The following FANCB variants were observed in gnomAD, a reference collection of about 807,000 sequenced individuals.
The protein encoded by FANCB is FA complementation group B.
In FANCB, 5 loss-of-function variants were observed where a neutral mutation model predicts 38.9. The ratio of observed to expected loss-of-function variants is 0.13; its 90% CI spans 0.07 to 0.27. The LOEUF is 0.27. FANCB is among the 10% of genes least tolerant of loss of function. The pLI is 1.00. For missense variants in FANCB, 573 were observed against 602.7 expected, an observed-to-expected ratio of 0.95 and a Z score of 0.52; for synonymous variants, 236 against 215.4, an observed-to-expected ratio of 1.10 and a Z score of -0.84.
chrX:14,847,217 G>A (rs943346536), intron 7 of FANCB, among the ~76,000 whole-genome samples: 3 of 110,138 alleles, frequency 2.7e-5, no homozygotes, highest in African/African-American at 9.9e-5. Context: ...TGTTTCAAAT[G>A]TTCTATATAT....
the FANCB span, among the ~76,000 whole-genome samples, chrX:14,745,980 G>A: frequency 9.5e-3 from 1,053 of 110,555 alleles, 18 homozygotes; most frequent in African/African-American, 0.033. Flanking sequence ...GATTACAGGC[G>A]TGAGCCACCG....
At chrX:14,742,927 G>A in the FANCB span, among the ~76,000 whole-genome samples, 1 of 113,217 alleles carries the variant, frequency 8.8e-6, no homozygotes, top group East Asian at 2.8e-4. Context: ...CGCCAGTATA[G>A]TTTATAAATT....
chrX:14,856,748 A>G (rs2092424572), intron 5 of FANCB, among the ~76,000 whole-genome samples: 2 of 111,900 alleles, frequency 1.8e-5, no homozygotes, highest in South Asian at 7.3e-4. Flanking sequence ...GAGAGGATAC[A>G]ACTAGCGTGG....
downstream of FANCB, chrX:14,835,021 G>C: frequency 1.7e-6 from 1 of 594,992 alleles, no homozygotes; most frequent in Non-Finnish European, 2.9e-6. Flanking sequence ...CACTTCAACT[G>C]TAAGAGCGCT....
chrX:14,729,571 C>T, the FANCB span, among the ~76,000 whole-genome samples: 2 of 111,487 alleles, frequency 1.8e-5, no homozygotes, highest in African/African-American at 6.5e-5. Context: ...GCCAAATAAT[C>T]AATGTTAAAA....
At chrX:14,732,623 T>C in the FANCB span, among the ~76,000 whole-genome samples, 4 of 112,728 alleles carry the variant, frequency 3.5e-5, no homozygotes, top group African/African-American at 1.3e-4. Flanking sequence ...TCTGCATTTC[T>C]CTAATGACCA....
At chrX:14,710,277 G>A in the FANCB span, among the ~76,000 whole-genome samples, 4 of 112,066 alleles carry the variant, frequency 3.6e-5, no homozygotes, top group African/African-American at 1.3e-4. Context: ...TCATCCCTCT[G>A]AGCTACTTCC....
At chrX:14,800,866 A>C in the FANCB span, among the ~76,000 whole-genome samples, 1 of 111,943 alleles carries the variant, frequency 8.9e-6, no homozygotes, top group Non-Finnish European at 1.9e-5. Flanking sequence ...TTGCAAAAAT[A>C]CAATATTTTT....
downstream of FANCB, chrX:14,834,814 AATCATCATCATC>A (rs200344130): frequency 4.0e-5 from 22 of 556,130 alleles, no homozygotes; most frequent in Non-Finnish European, 6.6e-5. Flanking sequence ...TCATCATCAA[AATCATCATCATC>A]ATCATCATCT....
the FANCB span, among the ~76,000 whole-genome samples, chrX:14,695,737 G>A: frequency 2.7e-5 from 3 of 111,970 alleles, no homozygotes; most frequent in Non-Finnish European, 5.6e-5. Flanking sequence ...ATAGGATGTA[G>A]GAGCTCCTAA....
At chrX:14,748,821 G>C in the FANCB span, among the ~76,000 whole-genome samples, 1 of 112,189 alleles carries the variant, frequency 8.9e-6, no homozygotes, top group Admixed American at 9.4e-5. Flanking sequence ...GAAGAGCTAA[G>C]TGACTTGCCC....
At chrX:14,779,155 C>G in the FANCB span, among the ~76,000 whole-genome samples, 14 of 112,186 alleles carry the variant, frequency 1.2e-4, no homozygotes, top group African/African-American at 3.6e-4. Context: ...CCAAGCAAGA[C>G]AAAAATCACA....
the FANCB span, among the ~76,000 whole-genome samples, chrX:14,691,573 C>T: frequency 2.7e-5 from 3 of 111,189 alleles, no homozygotes; most frequent in African/African-American, 9.8e-5. Flanking sequence ...ACATTAGAAT[C>T]GCCTGGGGAT....
the FANCB span, among the ~76,000 whole-genome samples, chrX:14,814,473 A>G: frequency 1.8e-5 from 2 of 112,452 alleles, no homozygotes; most frequent in Admixed American, 1.9e-4. Context: ...CAAATTTACA[A>G]GAAAAAATCA....
the FANCB span, among the ~76,000 whole-genome samples, chrX:14,763,645 T>C: frequency 8.9e-6 from 1 of 111,826 alleles, no homozygotes; most frequent in Non-Finnish European, 1.9e-5. Flanking sequence ...TGCAGTATTC[T>C]GTGAAGTCAT....
At chrX:14,834,654 GT>G, downstream of FANCB, 2 of 602,562 alleles carry the variant, frequency 3.3e-6, no homozygotes, top group Non-Finnish European at 5.5e-6. Flanking sequence ...TGTTTTAGGA[GT>G]TTTTTCCTGT....
intron 3 of FANCB, among the ~76,000 whole-genome samples, chrX:14,863,099 A>G (rs1651167317): frequency 8.9e-6 from 1 of 112,521 alleles, no homozygotes; most frequent in Admixed American, 9.4e-5. Flanking sequence ...CATACGTATT[A>G]CAGAAATTCA....
chrX:14,716,993 C>T, the FANCB span, among the ~76,000 whole-genome samples: 4 of 110,525 alleles, frequency 3.6e-5, no homozygotes, highest in Non-Finnish European at 5.7e-5. Flanking sequence ...AAAAATATGC[C>T]TCCTATTATA....
At chrX:14,744,688 T>C in the FANCB span, among the ~76,000 whole-genome samples, 2 of 112,258 alleles carry the variant, frequency 1.8e-5, no homozygotes, top group Admixed American at 1.9e-4. Context: ...ATGGAATTGC[T>C]TTTCTGAAAA....
Sources: gnomAD v4.1 joint callset for allele counts (sites outside exome capture counted in the v4.1 genomes callset) on GRCh38, gnomAD v4.1.1 for gene constraint, MANE v1.5 for transcripts, NCBI Gene and HGNC (gene_info 2026-07-23, HGNC 2026-07-21) for gene names.